C8orf34: variants seen among roughly 807,000 people sequenced by gnomAD.
C8orf34 encodes chromosome 8 open reading frame 34.
In C8orf34, 65 loss-of-function variants were observed where a neutral mutation model predicts 68.3. The observed-to-expected ratio is 0.95, with a 90% CI of 0.78 to 1.17. The LOEUF (loss-of-function observed/expected upper bound fraction) is 1.17. Among genes scored for constraint, C8orf34 ranks in the 50% most tolerant of loss-of-function variants. The probability of loss-of-function intolerance (pLI) is 0.00; values close to 1 mark genes in which losing one functional copy is unlikely to be tolerated. For missense variants in C8orf34, 664 were observed against 655.4 expected, an observed-to-expected ratio of 1.01 and a Z score of -0.14; for synonymous variants, 244 against 241.2, an observed-to-expected ratio of 1.01 and a Z score of -0.11.
At chr8:68,391,262 A>G (rs553311656) in intron 1 of C8orf34, among the ~76,000 whole-genome samples, 5 of 152,284 alleles carry the variant, frequency 3.3e-5, no homozygotes, top group East Asian at 3.9e-4. Context: ...ATACTTGCCA[A>G]TGTCCCACAG....
intron 5 of C8orf34, among the ~76,000 whole-genome samples, chr8:68,508,382 A>G (rs992835803): frequency 1.3e-4 from 20 of 152,174 alleles, no homozygotes; most frequent in South Asian, 2.1e-4. Context: ...TTACATTTTT[A>G]TAGCCTCCCT....
rs190200887 is a variant in C8orf34, at chr8:68,402,082, C to T, written c.328-37417C>T. Among the ~76,000 whole-genome samples the T allele has an allele frequency of 2.1e-3, 320 of 152,110 alleles. 3 individuals are homozygous for T. The highest frequency in any genetic ancestry group is 7.1e-3 in the African/African-American group (293 of 41,516). On this transcript the variant is annotated intron_variant, in intron 1 of 13. Transcript: ENST00000518698. ...TGGGAGATTTTTATTACTCCAATTT[C>T]GTTACTTGTTATTGGACTATTCAGG... is the stretch of plus-strand genomic sequence containing the variant.
intron 1 of C8orf34, among the ~76,000 whole-genome samples, chr8:68,406,345 G>A (rs192437599): frequency 1.2e-3 from 179 of 152,206 alleles, no homozygotes; most frequent in African/African-American, 3.9e-3. Context: ...GTACTAGAAG[G>A]CTTTTGTTTC....
In C8orf34 at chr8:68,402,243, A is replaced by C. The variant is rs567938533; in HGVS notation, c.328-37256A>C. Among the ~76,000 whole-genome samples, 12 of 152,168 alleles carry C rather than the reference A, an allele frequency of 7.9e-5. 1 individual carries two copies. In the South Asian group the frequency reaches 2.5e-3, roughly 32 times the overall value. ...TGATCTTTTGTATTTGCAGGGTATCAGTTGTAATGTCTCATTTTTCATTTC... is the reference window on the plus strand; with the variant it reads ...TGATCTTTTGTATTTGCAGGGTATCCGTTGTAATGTCTCATTTTTCATTTC... On this transcript the variant is annotated intron_variant, in intron 1 of 13. Coordinates refer to ENST00000518698, the MANE Select transcript of C8orf34 (RefSeq NM_052958.4).
At chr8:68,630,731 G>C (rs940211870) in intron 7 of C8orf34, among the ~76,000 whole-genome samples, 1 of 151,818 alleles carries the variant, frequency 6.6e-6, no homozygotes, top group African/African-American at 2.4e-5. Context: ...TATAAATTTA[G>C]CAAATTATTT....
At chr8:68,806,134 G>A (rs1824475344) in intron 12 of C8orf34, among the ~76,000 whole-genome samples, 1 of 151,866 alleles carries the variant, frequency 6.6e-6, no homozygotes, top group South Asian at 2.1e-4. Flanking sequence ...TCTTCATCCC[G>A]AATTTTATAG....
chr8:68,559,474 T>G (rs1400048087), intron 7 of C8orf34, among the ~76,000 whole-genome samples: 1 of 152,140 alleles, frequency 6.6e-6, no homozygotes, highest in Non-Finnish European at 1.5e-5. Context: ...GGAATTTTAG[T>G]TTTGCAAATT....
intron 3 of C8orf34, among the ~76,000 whole-genome samples, chr8:68,455,861 T>G (rs975952511): frequency 1.3e-5 from 2 of 152,024 alleles, no homozygotes; most frequent in African/African-American, 4.8e-5. Flanking sequence ...ATTGTTCATA[T>G]GTTTTAAAGA....
At chr8:68,677,758 G>C (rs1056175132) in intron 8 of C8orf34, among the ~76,000 whole-genome samples, 3 of 152,078 alleles carry the variant, frequency 2.0e-5, no homozygotes, top group Non-Finnish European at 4.4e-5. Context: ...AAATGAAATT[G>C]AAATGAAGAA....
chr8:68,423,041 A>T (rs957678632), intron 1 of C8orf34, among the ~76,000 whole-genome samples: 3 of 152,164 alleles, frequency 2.0e-5, no homozygotes, highest in Admixed American at 6.5e-5. Context: ...CAAGGAAAAC[A>T]TTTTTCTCTC....
chr8:68,443,185 G>T (rs1373085178), intron 2 of C8orf34, among the ~76,000 whole-genome samples: 1 of 152,078 alleles, frequency 6.6e-6, no homozygotes, highest in Non-Finnish European at 1.5e-5. Context: ...CATGAAACGG[G>T]ATATTTGAGG....
At chr8:68,490,124 G>C (rs1813250022) in intron 5 of C8orf34, among the ~76,000 whole-genome samples, 1 of 152,108 alleles carries the variant, frequency 6.6e-6, no homozygotes, top group Non-Finnish European at 1.5e-5. Context: ...CTTATGCCAT[G>C]AGTTTCCTTA....
intron 5 of C8orf34, among the ~76,000 whole-genome samples, chr8:68,519,196 G>A (rs2129644907): frequency 6.6e-6 from 1 of 152,302 alleles, no homozygotes; most frequent in South Asian, 2.1e-4. Context: ...GACATTTAAA[G>A]TAATAGTGCT....
chr8:68,774,087 T>C (rs1823431552), intron 10 of C8orf34, among the ~76,000 whole-genome samples: 2 of 152,116 alleles, frequency 1.3e-5, no homozygotes, highest in South Asian at 2.1e-4. Flanking sequence ...CCTCCCATGC[T>C]GGCTGCTCCA....
intron 3 of C8orf34, among the ~76,000 whole-genome samples, chr8:68,451,350 C>A (rs1004385188): frequency 6.6e-6 from 1 of 152,108 alleles, no homozygotes; most frequent in African/African-American, 2.4e-5. Context: ...TAATTTTCTT[C>A]AAGAACTTTT....
chr8:68,547,989 A>G (rs1048783158), intron 7 of C8orf34, among the ~76,000 whole-genome samples: 40 of 151,808 alleles, frequency 2.6e-4, no homozygotes, highest in Non-Finnish European at 4.4e-5. Context: ...GAACAATTGA[A>G]TAAATGTAAA....
At chr8:68,767,782 G>A (rs1250069046) in intron 10 of C8orf34, among the ~76,000 whole-genome samples, 1 of 152,130 alleles carries the variant, frequency 6.6e-6, no homozygotes, top group African/African-American at 2.4e-5. Flanking sequence ...TGGGACTACA[G>A]GTATGTGCCA....
intron 1 of C8orf34, among the ~76,000 whole-genome samples, chr8:68,415,448 C>T (rs1269615580): frequency 1.3e-5 from 2 of 151,614 alleles, no homozygotes; most frequent in Non-Finnish European, 2.9e-5. Flanking sequence ...CCATTGCACT[C>T]CAGCCTGGGC....
chr8:68,754,942 T>C (rs1369715361), intron 10 of C8orf34, among the ~76,000 whole-genome samples: 1 of 152,196 alleles, frequency 6.6e-6, no homozygotes, highest in Non-Finnish European at 1.5e-5. Flanking sequence ...TAGTAAATAG[T>C]ATACTTATAT....
Sources: allele counts gnomAD v4.1 joint callset (sites outside exome capture counted in the v4.1 genomes callset), GRCh38; gene constraint gnomAD v4.1.1; transcripts MANE v1.5; gene names NCBI Gene and HGNC (gene_info 2026-07-23, HGNC 2026-07-21).